The following CDK14 variants were observed in gnomAD, a reference collection of about 807,000 sequenced individuals.
CDK14 encodes the protein cyclin dependent kinase 14.
CDK14 carries 34 observed loss-of-function variants against 60.7 expected under a neutral mutation model. That is an observed-to-expected ratio of 0.56 (90% confidence interval 0.43 to 0.75). The LOEUF is 0.75. Ranked by LOEUF, CDK14 falls within the 30% of genes least tolerant of loss-of-function variation. The pLI is 0.00. For synonymous variants in CDK14, 197 were observed against 203.7 expected (o/e 0.97, Z 0.28); for missense variants, 482 against 564.1 (o/e 0.85, Z 1.47).
intron 5 of CDK14, among the ~76,000 whole-genome samples, chr7:90,832,962 C>G (rs543866474): frequency 1.0e-3 from 159 of 152,274 alleles, no homozygotes; most frequent in Non-Finnish European, 1.8e-3. Flanking sequence ...TCTTCTCATG[C>G]TAGTAGCCAT....
At chr7:91,051,185 T>C (rs1206072732) in intron 11 of CDK14, among the ~76,000 whole-genome samples, 2 of 152,156 alleles carry the variant, frequency 1.3e-5, no homozygotes, top group Non-Finnish European at 2.9e-5. Flanking sequence ...AAGAACTCAC[T>C]CATTATCCTG....
chr7:90,628,261 A>C (rs1799917467), intron 2 of CDK14, among the ~76,000 whole-genome samples: 1 of 152,096 alleles, frequency 6.6e-6, no homozygotes. Context: ...CTGGCCAGAA[A>C]GGTGATTTTT....
At chr7:91,206,530 G>A (rs1388994418) in intron 14 of CDK14, among the ~76,000 whole-genome samples, 3 of 152,194 alleles carry the variant, frequency 2.0e-5, no homozygotes, top group African/African-American at 7.2e-5. Context: ...TACGGAAAGG[G>A]ACAGAGTGAA....
intron 14 of CDK14, among the ~76,000 whole-genome samples, chr7:91,180,895 C>T (rs1801980873): frequency 6.6e-6 from 1 of 152,188 alleles, no homozygotes; most frequent in Admixed American, 6.5e-5. Flanking sequence ...CTGCCATGTA[C>T]AGAGCTTCAA....
At chr7:90,797,975 CA>C (rs1316787910) in intron 5 of CDK14, among the ~76,000 whole-genome samples, 1 of 151,824 alleles carries the variant, frequency 6.6e-6, no homozygotes, top group East Asian at 1.9e-4. Flanking sequence ...ACCCTACTTG[CA>C]AAAAATAGGA....
intron 9 of CDK14, among the ~76,000 whole-genome samples, chr7:90,973,415 C>T (rs1317905982): frequency 6.6e-6 from 1 of 152,028 alleles, no homozygotes; most frequent in Non-Finnish European, 1.5e-5. Context: ...CTAAGGAATC[C>T]CAAGCCTTTG....
intron 5 of CDK14, among the ~76,000 whole-genome samples, chr7:90,797,519 A>G (rs1788482298): frequency 1.3e-5 from 2 of 151,980 alleles, no homozygotes; most frequent in Non-Finnish European, 2.9e-5. Context: ...TTCAGCCCAT[A>G]ACAGCACTTA....
At chr7:91,053,641 A>G (rs890545627) in intron 11 of CDK14, among the ~76,000 whole-genome samples, 1 of 152,236 alleles carries the variant, frequency 6.6e-6, no homozygotes, top group Non-Finnish European at 1.5e-5. Context: ...CTTAACACAT[A>G]CTATCGGAAC....
chr7:90,676,946 G>T (rs1011663631), intron 2 of CDK14, among the ~76,000 whole-genome samples: 2 of 149,160 alleles, frequency 1.3e-5, no homozygotes, highest in East Asian at 3.9e-4. Context: ...TGTATATCAA[G>T]TTTTTTTTTT....
At chr7:91,132,432 G>A (rs1434146667) in intron 14 of CDK14, among the ~76,000 whole-genome samples, 2 of 152,090 alleles carry the variant, frequency 1.3e-5, no homozygotes, top group African/African-American at 4.8e-5. Context: ...TTTGAAGCCC[G>A]ATTCTGAGGG....
chr7:90,726,932 A>C, intron 3 of CDK14, 120 bp downstream of exon 3: 1 of 1,213,510 alleles, frequency 8.2e-7, no homozygotes, highest in Non-Finnish European at 1.1e-6. Context: ...ATTCTCTCCC[A>C]GGGTGGTTGA....
chr7:90,849,423 A>G (rs1452657736), intron 5 of CDK14, among the ~76,000 whole-genome samples: 2 of 152,070 alleles, frequency 1.3e-5, no homozygotes, highest in African/African-American at 4.8e-5. Context: ...CTTTATAGCA[A>G]CACAAAATGG....
chr7:90,881,538 C>G (rs1490335586), intron 6 of CDK14, among the ~76,000 whole-genome samples: 1 of 151,992 alleles, frequency 6.6e-6, no homozygotes, highest in Non-Finnish European at 1.5e-5. Context: ...GAAGAACTTC[C>G]CCAACCTAGC....
intron 2 of CDK14, among the ~76,000 whole-genome samples, chr7:90,701,291 C>A (rs1269850040): frequency 6.6e-6 from 1 of 152,194 alleles, no homozygotes; most frequent in African/African-American, 2.4e-5. Context: ...AAAATTTGAG[C>A]ATGTGTTACC....
chr7:91,185,632 TAG>T (rs1187144917), intron 14 of CDK14, among the ~76,000 whole-genome samples: 8 of 152,096 alleles, frequency 5.3e-5, no homozygotes, highest in Admixed American at 1.3e-4. Context: ...GCTTTTTACC[TAG>T]AGAGAGCATA....
intron 3 of CDK14, among the ~76,000 whole-genome samples, chr7:90,740,242 T>C (rs1803286612): frequency 7.5e-6 from 1 of 132,986 alleles, no homozygotes; most frequent in African/African-American, 2.9e-5. Flanking sequence ...TATGTGTATG[T>C]ATGTGTGTGT....
intron 3 of CDK14, among the ~76,000 whole-genome samples, chr7:90,745,289 T>A (rs1031729080): frequency 1.3e-5 from 2 of 152,234 alleles, no homozygotes; most frequent in Non-Finnish European, 2.9e-5. Context: ...TTGTTGTGTT[T>A]CCATAATTCA....
At chr7:90,976,642 T>C (rs984134263) in intron 9 of CDK14, among the ~76,000 whole-genome samples, 1 of 152,052 alleles carries the variant, frequency 6.6e-6, no homozygotes, top group African/African-American at 2.4e-5. Flanking sequence ...GGATTACAGG[T>C]AATCAACCAT....
In CDK14 at chr7:90,675,449, T is replaced by C. The variant is rs17163039; in HGVS notation, c.124-51118T>C. Among the ~76,000 whole-genome samples the C allele has an allele frequency of 2.0e-5, 3 of 152,110 alleles. No individual in the cohort carries two copies. In the South Asian group the frequency reaches 6.2e-4, roughly 31 times the overall value. ...GTCATAGATCATGTAGAGCTTTTTTTCTTGAAATATAAATTTGGTAATTGC... is the reference window on the plus strand; with the variant it reads ...GTCATAGATCATGTAGAGCTTTTTTCCTTGAAATATAAATTTGGTAATTGC... On this transcript the variant is annotated intron_variant, in intron 2 of 14. Transcript: ENST00000380050.
Sources: allele counts gnomAD v4.1 joint callset (sites outside exome capture counted in the v4.1 genomes callset), GRCh38; gene constraint gnomAD v4.1.1; transcripts MANE v1.5; gene names NCBI Gene and HGNC (gene_info 2026-07-23, HGNC 2026-07-21).